NACC2: variants seen among roughly 807,000 people sequenced by gnomAD.
NACC2 encodes NACC family member 2.
NACC2 carries 8 observed loss-of-function variants against 25.1 expected under a neutral mutation model. That is an observed-to-expected ratio of 0.32 (90% CI 0.19 to 0.57). NACC2 has a LOEUF of 0.57. Among genes scored for constraint, NACC2 ranks in the 20% least tolerant of loss-of-function variants. The probability of loss-of-function intolerance (pLI) is 0.89; values close to 1 mark genes in which losing one functional copy is unlikely to be tolerated. For missense variants in NACC2, 644 were observed against 650.2 expected, an observed-to-expected ratio of 0.99 and a Z score of 0.10; for synonymous variants, 435 against 294.7, an observed-to-expected ratio of 1.48 and a Z score of -4.88.
At chr9:136,024,916 C>T (rs1158252974) in intron 2 of NACC2, among the ~76,000 whole-genome samples, 3 of 152,186 alleles carry the variant, frequency 2.0e-5, no homozygotes, top group Non-Finnish European at 2.9e-5. Context: ...GCCTCGGGGC[C>T]CAGGATCCTG....
chr9:136,016,295 C>T lies in NACC2; in HGVS notation c.1021G>A (p.Asp341Asn), dbSNP rs758524818. 13 of 1,612,886 alleles carry T rather than the reference C, an allele frequency of 8.1e-6. No homozygotes were observed. Among genetic ancestry groups the T allele is most frequent in the Non-Finnish European group, 1.1e-5 (13 of 1,180,024 alleles). ...RCHPKLYSEG[D>N]PGEKLELVAG... ...ACCAGCTCCAGCTTCTCCCCGGGGTCCCCTTCCGAGTAGAGCTTGGGATGG... is the reference window on the plus strand; with the variant it reads ...ACCAGCTCCAGCTTCTCCCCGGGGTTCCCTTCCGAGTAGAGCTTGGGATGG... The change falls in exon 3 of 6, where the codon GAC (aspartate) becomes AAC (asparagine). Residue 341 changes from aspartate to asparagine, a missense_variant. Asp to Asn is a conservative substitution (Grantham distance 23, BLOSUM62 1). Coordinates refer to ENST00000277554, the MANE Select transcript of NACC2 (RefSeq NM_144653.5).
chr9:136,050,739 G>A (rs1464036477), intron 1 of NACC2, among the ~76,000 whole-genome samples, 159 bp from the exon 2 acceptor site: 1 of 152,074 alleles, frequency 6.6e-6, no homozygotes, highest in Non-Finnish European at 1.5e-5. Context: ...CTCCAGAGAA[G>A]GGACACGGGG....
intron 1 of NACC2, among the ~76,000 whole-genome samples, chr9:136,087,431 T>C (rs987972891): frequency 1.6e-4 from 25 of 152,182 alleles, no homozygotes; most frequent in Non-Finnish European, 1.6e-4. Flanking sequence ...CCTGCCCTCC[T>C]GGAGCTGGCA....
chr9:136,074,841 A>G (rs931377500), intron 1 of NACC2, among the ~76,000 whole-genome samples: 5 of 152,008 alleles, frequency 3.3e-5, no homozygotes, highest in African/African-American at 1.2e-4. Context: ...CGGCGTCTAC[A>G]CCTCACACAG....
Position 136,011,698 on chromosome 9 carries a change from C to A in NACC2, c.1582G>T (p.Ala528Ser), listed in dbSNP as rs755235737. 6.7e-7 allele frequency: 1 copy of A among 1,489,542 alleles called. No homozygotes were observed. 92.3% of individuals were successfully genotyped at this position (1,489,542 alleles called of 1,614,324 possible). A position where few individuals can be genotyped will look rare whatever the true frequency, so the allele number is the denominator to read the frequency against. Residue 528 changes from alanine to serine, a missense_variant, in exon 6 of 6, where the codon GCC becomes TCC. Physicochemically the swap from Ala to Ser is moderately conservative, Grantham distance 99. Transcript: ENST00000277554. ...CCAGCCCCGTCCACCTCCTCGCCGG[C>A]GTCGAAGGCGGGGTTGGCGGCGGCA... Reference protein sequence around the residue: ...LSAAANPAFDAGEEVDGAGSV... With the variant: ...LSAAANPAFDSGEEVDGAGSV...
At chr9:136,028,883 G>A (rs535841362) in intron 2 of NACC2, among the ~76,000 whole-genome samples, 1 of 152,224 alleles carries the variant, frequency 6.6e-6, no homozygotes, top group African/African-American at 2.4e-5. Context: ...CCAGGTGTAT[G>A]TGCGCTCAGG....
At chr9:136,024,534 GAC>G (rs1446559895) in intron 2 of NACC2, among the ~76,000 whole-genome samples, 27 of 94,914 alleles carry the variant, frequency 2.8e-4, no homozygotes, top group South Asian at 1.6e-3. Context: ...TGTGTGTGTG[GAC>G]AGTGTGTGTG....
At chr9:136,046,870 A>G (rs899121314) in intron 2 of NACC2, among the ~76,000 whole-genome samples, 1 of 152,162 alleles carries the variant, frequency 6.6e-6, no homozygotes, top group East Asian at 1.9e-4. Flanking sequence ...AAAGGCAATT[A>G]ACTTTATCTG....
chr9:136,023,987 C>A (rs1445235540), intron 2 of NACC2, among the ~76,000 whole-genome samples: 2 of 152,222 alleles, frequency 1.3e-5, no homozygotes, highest in Non-Finnish European at 2.9e-5. Context: ...ATGCGTCAGA[C>A]ATGGAGGAAG....
chr9:136,033,836 T>C (rs1467459195), intron 2 of NACC2, among the ~76,000 whole-genome samples: 1 of 150,964 alleles, frequency 6.6e-6, no homozygotes, highest in East Asian at 1.9e-4. Context: ...ACGGTAAAAA[T>C]GTCAGGTCAC....
intron 1 of NACC2, among the ~76,000 whole-genome samples, chr9:136,093,722 G>C (rs190069681): frequency 6.6e-6 from 1 of 152,246 alleles, no homozygotes; most frequent in African/African-American, 2.4e-5. Flanking sequence ...AACGCCAAGA[G>C]GCCTCTTTAA....
intron 1 of NACC2, among the ~76,000 whole-genome samples, chr9:136,059,278 G>T: frequency 6.6e-6 from 1 of 152,186 alleles, no homozygotes; most frequent in East Asian, 1.9e-4. Context: ...ACGCACAGGG[G>T]CCCGCAGAGC....
At chr9:136,035,796 A>G (rs1447305609) in intron 2 of NACC2, among the ~76,000 whole-genome samples, 1 of 152,180 alleles carries the variant, frequency 6.6e-6, no homozygotes, top group African/African-American at 2.4e-5. Context: ...AAAAACCTCT[A>G]CATGTAAAAA....
chr9:136,042,402 C>G (rs1396865850), intron 2 of NACC2, among the ~76,000 whole-genome samples: 3 of 151,758 alleles, frequency 2.0e-5, no homozygotes, highest in African/African-American at 7.3e-5. Context: ...ACACACAGAT[C>G]AATGGAACCG....
chr9:136,010,006 C>T lies in NACC2; in HGVS notation c.*1510G>A, dbSNP rs941864448. ...GGCTGCCCCTGGACAAGGACACAGG[C>T]CTCCAAAACAAAAGGGAGGGACACC... On this transcript the variant is annotated 3_prime_UTR_variant, in exon 6 of 6. Coordinates refer to ENST00000277554, the MANE Select transcript of NACC2 (RefSeq NM_144653.5). This position sits in a 1 kb window ranked among gnomAD's most constrained non-coding sequence, Gnocchi z 4.9. 13 of 152,188 alleles carry T rather than the reference C, an allele frequency of 8.5e-5. No individual in the cohort carries two copies. Among genetic ancestry groups the T allele is most frequent in the African/African-American group, 2.9e-4 (12 of 41,372 alleles). The allele number at this position is 152,188 out of a possible 1,614,324, so 9.4% of individuals were successfully genotyped here.
rs56188305 is a variant in NACC2 at position 136,007,455 on chromosome 9, GCA to G, written c.*4059_*4060del. On this transcript the variant is annotated 3_prime_UTR_variant, in exon 6 of 6. Coordinates refer to ENST00000277554, the MANE Select transcript of NACC2 (RefSeq NM_144653.5). ...TACACACAGACGCGCACACACACGC[GCA>G]CACAGACGCACACACACAGACGCAC... 63,879 of 150,002 alleles carry G rather than the reference GCA, an allele frequency of 0.43. 13,342 individuals are homozygous for G. The highest frequency in any genetic ancestry group is 0.47 in the Middle Eastern group (872 of 1,856). The allele number at this position is 150,002 out of a possible 1,614,324, so 9.3% of individuals were successfully genotyped here.
chr9:136,017,386 T>C (rs1277265029), intron 2 of NACC2, among the ~76,000 whole-genome samples: 2 of 152,106 alleles, frequency 1.3e-5, no homozygotes, highest in African/African-American at 2.4e-5. Context: ...GGGCCAGGGC[T>C]GAGACCCCTC....
intron 2 of NACC2, among the ~76,000 whole-genome samples, chr9:136,046,611 A>C (rs1840729636): frequency 6.6e-6 from 1 of 152,162 alleles, no homozygotes; most frequent in East Asian, 1.9e-4. Flanking sequence ...GGGGGGCTTG[A>C]ACTCGGCCCC....
intron 2 of NACC2, among the ~76,000 whole-genome samples, chr9:136,045,797 G>T (rs1225726380): frequency 6.6e-6 from 1 of 152,194 alleles, no homozygotes; most frequent in Non-Finnish European, 1.5e-5. Flanking sequence ...AAAAGCAGCT[G>T]CCATGACCGT....
Sources: allele counts gnomAD v4.1 joint callset (sites outside exome capture counted in the v4.1 genomes callset), GRCh38; gene constraint gnomAD v4.1.1; non-coding constraint Gnocchi (gnomAD v3.1); transcripts MANE v1.5; gene names NCBI Gene and HGNC (gene_info 2026-07-23, HGNC 2026-07-21).